Variants in REDIC1 observed in about 807,000 individuals in gnomAD.
REDIC1 encodes the protein HEI10 Interacting Protein 1.
the REDIC1 span, among the ~76,000 whole-genome samples, chr12:39,701,615 C>T: frequency 6.6e-6 from 1 of 152,128 alleles, no homozygotes; most frequent in Non-Finnish European, 1.5e-5. Flanking sequence ...GAACTCTCCA[C>T]CCCAAATCAA....
the REDIC1 span, among the ~76,000 whole-genome samples, chr12:39,704,279 C>A: frequency 1.3e-5 from 2 of 152,188 alleles, no homozygotes; most frequent in Non-Finnish European, 2.9e-5. Flanking sequence ...ACAGACACTT[C>A]TCAAAAGAAG....
the REDIC1 span, chr12:39,684,108 T>C: frequency 7.1e-6 from 7 of 989,746 alleles, no homozygotes; most frequent in Non-Finnish European, 8.4e-6. Flanking sequence ...GATTTTTCTT[T>C]CTCTTCTTGC....
At chr12:39,724,815 G>T in the REDIC1 span, among the ~76,000 whole-genome samples, 6 of 152,050 alleles carry the variant, frequency 3.9e-5, no homozygotes, top group South Asian at 1.2e-3. Flanking sequence ...TATCCAGAAT[G>T]CCAGAAGAGA....
At chr12:39,632,711 A>G in the REDIC1 span, among the ~76,000 whole-genome samples, 4 of 152,184 alleles carry the variant, frequency 2.6e-5, no homozygotes, top group Admixed American at 1.3e-4. Context: ...CACCTATGCT[A>G]TATGGTATAG....
the REDIC1 span, among the ~76,000 whole-genome samples, chr12:39,724,852 A>G: frequency 6.6e-6 from 1 of 152,118 alleles, no homozygotes; most frequent in Non-Finnish European, 1.5e-5. Context: ...ATGAAAGAGC[A>G]TTAATTAAAC....
chr12:39,716,889 T>A, the REDIC1 span: 1 of 1,239,884 alleles, frequency 8.1e-7, no homozygotes, highest in Admixed American at 2.7e-5. Context: ...AATAATTATT[T>A]GTTTTTCTCA....
At chr12:39,895,412 C>A in the REDIC1 span, among the ~76,000 whole-genome samples, 3 of 146,718 alleles carry the variant, frequency 2.0e-5, no homozygotes, top group African/African-American at 7.6e-5. Flanking sequence ...ATGGCCTGAA[C>A]CTGGGAGGTG....
chr12:39,683,566 G>T, the REDIC1 span: 2 of 1,155,382 alleles, frequency 1.7e-6, no homozygotes, highest in East Asian at 2.4e-5. Context: ...GCAAAGTGAG[G>T]TAGGCGTATT....
chr12:39,636,270 A>G, the REDIC1 span, among the ~76,000 whole-genome samples: 1 of 152,168 alleles, frequency 6.6e-6, no homozygotes, highest in African/African-American at 2.4e-5. Context: ...TGTATTCTAA[A>G]TATTAGATGA....
At chr12:39,874,644 C>T in the REDIC1 span, among the ~76,000 whole-genome samples, 2 of 145,130 alleles carry the variant, frequency 1.4e-5, no homozygotes, top group Non-Finnish European at 3.0e-5. Flanking sequence ...AGAATGCATA[C>T]AAATGAGAAG....
At chr12:39,668,877 G>A in the REDIC1 span, among the ~76,000 whole-genome samples, 1 of 152,106 alleles carries the variant, frequency 6.6e-6, no homozygotes, top group Non-Finnish European at 1.5e-5. Flanking sequence ...TCATCACGCA[G>A]TTCTCATGCC....
chr12:39,737,577 T>A, the REDIC1 span, among the ~76,000 whole-genome samples: 1 of 152,184 alleles, frequency 6.6e-6, no homozygotes, highest in Non-Finnish European at 1.5e-5. Flanking sequence ...TCCTTTAATC[T>A]CTACAACACA....
chr12:39,746,531 A>G, the REDIC1 span, among the ~76,000 whole-genome samples: 1 of 152,162 alleles, frequency 6.6e-6, no homozygotes, highest in Non-Finnish European at 1.5e-5. Flanking sequence ...GGCAGCAGAA[A>G]CCTCTGCAGA....
chr12:39,739,864 A>G, the REDIC1 span, among the ~76,000 whole-genome samples: 1 of 152,178 alleles, frequency 6.6e-6, no homozygotes, highest in Non-Finnish European at 1.5e-5. Context: ...AGCAGATGTG[A>G]TGTTGTGCCA....
chr12:39,840,210 T>C, the REDIC1 span, among the ~76,000 whole-genome samples: 1 of 151,994 alleles, frequency 6.6e-6, no homozygotes, highest in Non-Finnish European at 1.5e-5. Context: ...TTTTGTATTA[T>C]TAGTAGAGTT....
At chr12:39,790,641 C>T in the REDIC1 span, among the ~76,000 whole-genome samples, 1 of 123,750 alleles carries the variant, frequency 8.1e-6, no homozygotes, top group African/African-American at 3.1e-5. Flanking sequence ...TGGGTTGGTT[C>T]CAAGTCTTTG....
At chr12:39,779,589 C>G in the REDIC1 span, among the ~76,000 whole-genome samples, 2 of 152,062 alleles carry the variant, frequency 1.3e-5, no homozygotes, top group African/African-American at 4.8e-5. Flanking sequence ...ACTTTTTTTG[C>G]TTCCCATTAG....
At chr12:39,647,305 A>T in the REDIC1 span, among the ~76,000 whole-genome samples, 30 of 152,200 alleles carry the variant, frequency 2.0e-4, no homozygotes, top group Non-Finnish European at 3.8e-4. Flanking sequence ...ATAGCAAATA[A>T]TTTTCTTAGC....
the REDIC1 span, among the ~76,000 whole-genome samples, chr12:39,709,576 A>G: frequency 6.7e-6 from 1 of 150,202 alleles, no homozygotes; most frequent in Non-Finnish European, 1.5e-5. Context: ...TATAACTAGT[A>G]GGTGAAATCA....
Sources: gnomAD v4.1 joint callset for allele counts (sites outside exome capture counted in the v4.1 genomes callset) on GRCh38, gnomAD v4.1.1 for gene constraint, MANE v1.5 for transcripts, NCBI Gene and HGNC (gene_info 2026-07-23, HGNC 2026-07-21) for gene names.